The following OTUD7A variants were observed in gnomAD, a reference collection of about 807,000 sequenced individuals.
OTUD7A encodes OTU deubiquitinase 7A.
OTUD7A carries 12 observed loss-of-function variants against 65.7 expected under a neutral mutation model. The ratio of observed to expected loss-of-function variants is 0.18; its 90% CI spans 0.12 to 0.30. The LOEUF is 0.30. Among genes scored for constraint, OTUD7A ranks in the 10% least tolerant of loss-of-function variants. OTUD7A has a pLI of 1.00. For missense variants in OTUD7A, 1,148 were observed against 1,304.8 expected, an observed-to-expected ratio of 0.88 and a Z score of 1.85; for synonymous variants, 641 against 586.3, an observed-to-expected ratio of 1.09 and a Z score of -1.35.
chr15:31,503,474 T>C lies in OTUD7A; in HGVS notation c.1021+217A>G, dbSNP rs149975206. 5.4e-3 allele frequency among the ~76,000 whole-genome samples: 828 copies of C among 152,260 alleles called. 4 individuals are homozygous for C. Among genetic ancestry groups the C allele is most frequent in the Middle Eastern group, 0.014 (4 of 294 alleles). ...TGGTCCTGGTCCTCACATGACCAGA[T>C]TTCTCCTGGCCACCTGCCGTTGATA... On this transcript the variant is annotated intron_variant, in intron 9 of 12. Transcript: ENST00000307050.
Position 31,548,070 on chromosome 15 carries a change from T to C in OTUD7A, c.550+10899A>G, listed in dbSNP as rs542881049. ...GTGAACTGTTCTTCTGTACGTACCA[T>C]ATACTCCTAAAAATTTGATAACTTC... On this transcript the variant is annotated intron_variant, in intron 5 of 12. Coordinates refer to ENST00000307050, the MANE Select transcript of OTUD7A (RefSeq NM_001382637.1). Among the ~76,000 whole-genome samples the C allele has an allele frequency of 7.9e-3, 595 of 74,864 alleles. 6 individuals carry two copies. The highest frequency in any genetic ancestry group is 0.017 in the African/African-American group (566 of 33,680). The allele number at this position is 74,864 out of a possible 152,430, so 49.1% of individuals were successfully genotyped here.
chr15:31,511,192 ACAT>A (rs1204233436), intron 8 of OTUD7A, among the ~76,000 whole-genome samples: 2 of 4,424 alleles, frequency 4.5e-4, no homozygotes, highest in Admixed American at 7.6e-3. Context: ...TATGTAACAC[ACAT>A]ATGTATATCT....
chr15:31,811,980 C>T (rs1027190541), intron 1 of OTUD7A, among the ~76,000 whole-genome samples: 4 of 152,224 alleles, frequency 2.6e-5, no homozygotes, highest in African/African-American at 9.6e-5. Flanking sequence ...AGGACTGAGG[C>T]TGCGGGAGGA....
chr15:31,813,703 T>C (rs542435567), intron 1 of OTUD7A, among the ~76,000 whole-genome samples: 14 of 152,372 alleles, frequency 9.2e-5, no homozygotes, highest in African/African-American at 3.1e-4. Context: ...AACCTTTATT[T>C]TGTAATGGAA....
intron 3 of OTUD7A, among the ~76,000 whole-genome samples, chr15:31,583,164 T>C (rs117101187): frequency 6.6e-6 from 1 of 152,216 alleles, no homozygotes; most frequent in Non-Finnish European, 1.5e-5. Context: ...CCTTTCTCCA[T>C]CCCTGCAGCA....
At chr15:31,847,590 A>G (rs1429106301) in intron 1 of OTUD7A, among the ~76,000 whole-genome samples, 1 of 152,116 alleles carries the variant, frequency 6.6e-6, no homozygotes, top group Non-Finnish European at 1.5e-5. Context: ...CACAGGGAAG[A>G]CCTTGCTTTG....
chr15:31,862,891 AT>A (rs1897781445), intron 1 of OTUD7A, among the ~76,000 whole-genome samples: 1 of 152,208 alleles, frequency 6.6e-6, no homozygotes, highest in Non-Finnish European at 1.5e-5. Context: ...AGACAAGGCA[AT>A]TCCCTTCTGC....
At position 31,570,117 on chromosome 15, in the gene OTUD7A, A is replaced by C; in HGVS notation, c.232T>G (p.Phe78Val). ...QVHTANLPHVFNEGRGPKQPE... is the reference protein window; with the variant it reads ...QVHTANLPHVVNEGRGPKQPE... ...TGCTTGGGACCCCGCCCTTCATTGA[A>C]CACATGTGGCAGATTGGCTGTGTGC... Residue 78 changes from phenylalanine to valine, a missense_variant, in exon 4 of 13, where the codon TTC becomes GTC. Phe to Val is a conservative substitution (Grantham distance 50). Around this residue, in one of 6 missense-constraint regions of OTUD7A, gnomAD observed 51 missense variants for 46.9 expected, o/e 1.09. Transcript: ENST00000307050. 6.2e-7 allele frequency: 1 copy of C among 1,614,088 alleles called. No homozygotes were observed. The highest frequency in any genetic ancestry group is 2.2e-5 in the East Asian group (1 of 44,888).
intron 1 of OTUD7A, chr15:31,766,339 T>G (rs1895093657): frequency 2.5e-6 from 4 of 1,597,314 alleles, no homozygotes; most frequent in Non-Finnish European, 3.4e-6. Context: ...TGAAGCTTTC[T>G]ATGATTTGGT....
intron 1 of OTUD7A, among the ~76,000 whole-genome samples, chr15:31,785,619 T>C (rs983895799): frequency 2.0e-5 from 3 of 152,172 alleles, no homozygotes; most frequent in African/African-American, 4.8e-5. Context: ...ATGCCTTCCA[T>C]GATTCTGACT....
intron 10 of OTUD7A, among the ~76,000 whole-genome samples, chr15:31,494,552 CTG>C (rs2041358189): frequency 6.6e-6 from 1 of 152,216 alleles, no homozygotes; most frequent in Non-Finnish European, 1.5e-5. Context: ...ATTAAGGAAA[CTG>C]TACTGCTGAA....
chr15:31,611,909 C>G (rs927303631), intron 3 of OTUD7A, among the ~76,000 whole-genome samples: 1 of 152,148 alleles, frequency 6.6e-6, no homozygotes, highest in South Asian at 2.1e-4. Flanking sequence ...TAACAAAATA[C>G]TAGCTAACCA....
At chr15:31,544,807 C>T (rs1888082777) in intron 5 of OTUD7A, among the ~76,000 whole-genome samples, 1 of 151,678 alleles carries the variant, frequency 6.6e-6, no homozygotes, top group South Asian at 2.1e-4. Flanking sequence ...ATATAATTAA[C>T]ATATATAAAA....
intron 1 of OTUD7A, among the ~76,000 whole-genome samples, chr15:31,778,198 T>C (rs1475907596): frequency 6.6e-6 from 1 of 152,248 alleles, no homozygotes; most frequent in East Asian, 1.9e-4. Context: ...AGGAACTCAA[T>C]AGCCCATACC....
chr15:31,539,327 T>A (rs1887911171), intron 5 of OTUD7A, among the ~76,000 whole-genome samples: 1 of 152,016 alleles, frequency 6.6e-6, no homozygotes, highest in Non-Finnish European at 1.5e-5. Context: ...GGCCTCTGCT[T>A]GTTCCAGCCT....
intron 8 of OTUD7A, among the ~76,000 whole-genome samples, chr15:31,520,256 A>G (rs562751354): frequency 4.1e-4 from 63 of 152,360 alleles, no homozygotes; most frequent in South Asian, 8.3e-4. Context: ...GGTTATAGTA[A>G]ACAAAACAGT....
chr15:31,616,393 T>C (rs1372106373), intron 3 of OTUD7A, among the ~76,000 whole-genome samples: 1 of 152,232 alleles, frequency 6.6e-6, no homozygotes, highest in African/African-American at 2.4e-5. Flanking sequence ...AGGAATTAAC[T>C]GGAAATGTAT....
intron 1 of OTUD7A, among the ~76,000 whole-genome samples, chr15:31,689,995 G>C (rs1448987454): frequency 2.0e-5 from 3 of 152,162 alleles, no homozygotes; most frequent in African/African-American, 7.2e-5. Flanking sequence ...GCAGATGTCT[G>C]TATATTTTTA....
intron 1 of OTUD7A, among the ~76,000 whole-genome samples, chr15:31,770,284 T>G (rs1019717015): frequency 3.9e-5 from 6 of 152,156 alleles, no homozygotes; most frequent in Non-Finnish European, 1.5e-5. Flanking sequence ...CATGGGAATA[T>G]GAACTACTTT....
Sources: gnomAD v4.1 joint callset for allele counts (sites outside exome capture counted in the v4.1 genomes callset) on GRCh38, gnomAD v4.1.1 for gene constraint, gnomAD v4.1.1 regional missense constraint, MANE v1.5 for transcripts, NCBI Gene and HGNC (gene_info 2026-07-23, HGNC 2026-07-21) for gene names.